Variants in ERG observed in about 807,000 individuals in gnomAD.
ERG encodes the protein transcriptional regulator ERG.
Under a neutral mutation model 55.3 loss-of-function variants are expected in ERG, and 9 were observed. That is an observed-to-expected ratio of 0.16 (90% CI 0.10 to 0.28). ERG has a LOEUF of 0.28. Ranked by LOEUF, ERG falls within the 10% of genes least tolerant of loss-of-function variation. The pLI is 1.00. For missense variants in ERG, 434 were observed against 631.6 expected, an observed-to-expected ratio of 0.69 and a Z score of 3.35; for synonymous variants, 223 against 237.3, an observed-to-expected ratio of 0.94 and a Z score of 0.55.
At chr21:38,403,036 CAT>C (rs1213219125) in intron 4 of ERG, among the ~76,000 whole-genome samples, 2 of 152,226 alleles carry the variant, frequency 1.3e-5, no homozygotes, top group Non-Finnish European at 1.5e-5. Flanking sequence ...AGCCGAATCA[CAT>C]GATACAAAGT....
intron 1 of ERG, among the ~76,000 whole-genome samples, chr21:38,599,169 G>GA (rs1267527283): frequency 1.2e-4 from 19 of 152,226 alleles, no homozygotes; most frequent in African/African-American, 4.1e-4. Context: ...AGAGGCCATG[G>GA]GGGGGCACAC....
intron 3 of ERG, among the ~76,000 whole-genome samples, chr21:38,409,768 C>T (rs1022771670): frequency 5.9e-5 from 9 of 152,124 alleles, no homozygotes; most frequent in African/African-American, 1.4e-4. Context: ...CAGCAACATA[C>T]GAGGATGGGG....
chr21:38,416,208 A>G (rs142353137), intron 3 of ERG, among the ~76,000 whole-genome samples: 51 of 152,304 alleles, frequency 3.3e-4, no homozygotes, highest in African/African-American at 1.2e-3. Flanking sequence ...GTGCTGAGCT[A>G]TTCTCTAATG....
At chr21:38,619,249 A>T (rs1239097928) in intron 1 of ERG, among the ~76,000 whole-genome samples, 10 of 152,138 alleles carry the variant, frequency 6.6e-5, no homozygotes, top group African/African-American at 2.4e-4. Flanking sequence ...CAGCCCACAC[A>T]CCTGGTATCC....
intron 1 of ERG, among the ~76,000 whole-genome samples, chr21:38,494,180 C>T (rs372454726): frequency 1.3e-5 from 2 of 152,186 alleles, no homozygotes; most frequent in South Asian, 2.1e-4. Context: ...GGTGGTCTGA[C>T]AGAATCCCCA....
At chr21:38,576,204 C>T (rs183441530) in intron 1 of ERG, among the ~76,000 whole-genome samples, 26 of 152,362 alleles carry the variant, frequency 1.7e-4, no homozygotes, top group Admixed American at 5.2e-4. Flanking sequence ...GTAAACAGCA[C>T]AGCTACCATT....
In ERG at chr21:38,380,409, C is replaced by T. The variant is rs1319929608; in HGVS notation, c.*2994G>A. 1.9e-6 allele frequency: 2 copies of T among 1,062,702 alleles called. No individual in the cohort carries two copies. Among genetic ancestry groups the T allele is most frequent in the Non-Finnish European group, 2.3e-6 (2 of 877,732 alleles). 65.8% of individuals were successfully genotyped at this position (1,062,702 alleles called of 1,614,324 possible). A position where few individuals can be genotyped will look rare whatever the true frequency, so the allele number is the denominator to read the frequency against. ...GGACATAAGGGCATCAAACTAGGAACAAAAACACAGTCTTGACTGTGATTT... is the reference window on the plus strand; with the variant it reads ...GGACATAAGGGCATCAAACTAGGAATAAAAACACAGTCTTGACTGTGATTT... On this transcript the variant is annotated 3_prime_UTR_variant, in exon 10 of 10. Transcript: ENST00000288319.
At chr21:38,399,122 G>C (rs568512866) in intron 6 of ERG, among the ~76,000 whole-genome samples, 1 of 152,274 alleles carries the variant, frequency 6.6e-6, no homozygotes, top group South Asian at 2.1e-4. Context: ...TAGGCACTGG[G>C]TCTTGCCCAT....
intron 1 of ERG, among the ~76,000 whole-genome samples, chr21:38,606,025 ATGAT>A (rs1182916869): frequency 1.3e-5 from 2 of 152,104 alleles, no homozygotes; most frequent in African/African-American, 2.4e-5. Context: ...CATTAGACAG[ATGAT>A]TGATAGATGA....
intron 1 of ERG, among the ~76,000 whole-genome samples, chr21:38,639,357 T>C (rs1199886736): frequency 2.7e-5 from 4 of 146,636 alleles, no homozygotes; most frequent in Non-Finnish European, 6.0e-5. Flanking sequence ...AAAAGAGATG[T>C]TTTAACTTTA....
intron 2 of ERG, among the ~76,000 whole-genome samples, chr21:38,536,424 T>A (rs754211631): frequency 6.6e-6 from 1 of 152,220 alleles, no homozygotes; most frequent in Non-Finnish European, 1.5e-5. Flanking sequence ...TGAGGACTCC[T>A]ATCTATCCTT....
intron 1 of ERG, among the ~76,000 whole-genome samples, chr21:38,458,131 A>G (rs185873437): frequency 7.0e-4 from 106 of 152,312 alleles, no homozygotes; most frequent in African/African-American, 2.5e-3. Flanking sequence ...TGGGCCCTGT[A>G]AAAGAGCACA....
At chr21:38,450,274 AG>A (rs2058929050) in intron 1 of ERG, among the ~76,000 whole-genome samples, 2 of 152,090 alleles carry the variant, frequency 1.3e-5, no homozygotes, top group African/African-American at 4.8e-5. Context: ...GCTACTCAAG[AG>A]GGTGAGGCAG....
At chr21:38,492,872 GCAAA>G (rs1270733042) in intron 1 of ERG, among the ~76,000 whole-genome samples, 3 of 152,154 alleles carry the variant, frequency 2.0e-5, no homozygotes, top group Non-Finnish European at 4.4e-5. Context: ...TGGGTTCACA[GCAAA>G]CAAACAAAAA....
At chr21:38,379,995 C>T (rs1181565637), downstream of ERG, 1 of 1,007,192 alleles carries the variant, frequency 9.9e-7, no homozygotes, top group African/African-American at 1.7e-5. Context: ...TTTCTTTAAA[C>T]CAAGGTTAAA....
chr21:38,417,732 T>A (rs1296554170), intron 3 of ERG, among the ~76,000 whole-genome samples: 1 of 152,050 alleles, frequency 6.6e-6, no homozygotes, highest in Non-Finnish European at 1.5e-5. Flanking sequence ...GAGGTTGCAG[T>A]AAGCCGTGAC....
chr21:38,649,246 G>T (rs976269810), intron 1 of ERG, among the ~76,000 whole-genome samples: 5 of 152,186 alleles, frequency 3.3e-5, no homozygotes, highest in African/African-American at 1.2e-4. Flanking sequence ...GCAGCACCCA[G>T]GGGGCTTCTG....
chr21:38,480,843 C>G (rs1027097268), intron 1 of ERG, among the ~76,000 whole-genome samples: 1 of 152,054 alleles, frequency 6.6e-6, no homozygotes, highest in Admixed American at 6.5e-5. Flanking sequence ...TAATGGAAAT[C>G]ATCACTTGGG....
At chr21:38,395,041 A>G (rs1346489917) in intron 6 of ERG, among the ~76,000 whole-genome samples, 1 of 152,226 alleles carries the variant, frequency 6.6e-6, no homozygotes, top group Admixed American at 6.5e-5. Context: ...CTCGAAAATA[A>G]GTCGAAACTT....
Sources: allele counts gnomAD v4.1 joint callset (sites outside exome capture counted in the v4.1 genomes callset), GRCh38; gene constraint gnomAD v4.1.1; transcripts MANE v1.5; gene names NCBI Gene and HGNC (gene_info 2026-07-23, HGNC 2026-07-21).